TEPSIN: variants seen among roughly 807,000 people sequenced by gnomAD.
TEPSIN encodes TEPSIN adaptor related protein complex 4 accessory protein.
Under a neutral mutation model 48.5 loss-of-function variants are expected in TEPSIN, and 50 were observed. The ratio of observed to expected loss-of-function variants is 1.03; its 90% CI spans 0.82 to 1.31. The LOEUF (loss-of-function observed/expected upper bound fraction) is 1.31. TEPSIN is among the 50% of genes most tolerant of loss of function. The pLI, the probability that TEPSIN is intolerant of heterozygous loss-of-function variation, is 0.00. For missense variants in TEPSIN, 838 were observed against 815.9 expected (o/e 1.03, Z -0.33); for synonymous variants, 392 against 358.8 (o/e 1.09, Z -1.05).
intron 12 of TEPSIN, chr17:81,229,940 A>G (rs2146821518): frequency 5.4e-6 from 1 of 183,902 alleles, no homozygotes; most frequent in Admixed American, 6.0e-5. Context: ...GAGCTAGCAG[A>G]TGGCCAATGA....
In TEPSIN at chr17:81,236,998, G is replaced by T; in HGVS notation, c.195C>A (p.Ser65=). 6.3e-7 allele frequency: 1 copy of T among 1,588,342 alleles called. No individual in the cohort carries two copies. Among genetic ancestry groups the T allele is most frequent in the Non-Finnish European group, 8.6e-7 (1 of 1,167,328 alleles). The part of the protein sequence containing the change: ...EYLLSRLHSS[S]GHGKLKVLKI... ...GGCTCACCTTGAGCTTCCCGTGGCC[G>T]GAGCTGCTGTGCAGGCGGCTCAGGA... The change falls in exon 3 of 13, where the codon TCC becomes TCA. Residue 65 remains serine, a synonymous_variant. Coordinates refer to ENST00000637944, the MANE Select transcript of TEPSIN (RefSeq NM_001363764.2).
chr17:81,237,889 A>G, intron 1 of TEPSIN: 1 of 817,624 alleles, frequency 1.2e-6, no homozygotes, highest in South Asian at 4.5e-5. Context: ...CCGGAATGGC[A>G]GAGTGACAGC....
In TEPSIN at chr17:81,237,490, G is replaced by A. The variant is rs1323423969; in HGVS notation, c.49-31C>T. ...AGGGAACAAGAGCCCCTACCATGAT[G>A]AGGTGCCATTTCCCACAGGGGTGAA... On this transcript the variant is annotated intron_variant, in intron 1 of 12. Transcript: ENST00000637944. 7 of 1,587,416 alleles carry A rather than the reference G, an allele frequency of 4.4e-6. No homozygotes were observed. In the Admixed American group the frequency reaches 1.1e-4, roughly 24 times the overall value.
Position 81,230,346 on chromosome 17 carries a change from G to T in TEPSIN, c.1233+198C>A. ...TGTACTGTGAGTGCTGCAGAGTTTG[G>T]GTGGAAGGCGGGAAGGCAATGGGGA... On this transcript the variant is annotated intron_variant, in intron 12 of 12. Coordinates refer to ENST00000637944, the MANE Select transcript of TEPSIN (RefSeq NM_001363764.2). The surrounding 1 kb of genome is among the most constrained non-coding windows in gnomAD (Gnocchi z 4.2). 1 of 661,584 alleles carries T rather than the reference G, an allele frequency of 1.5e-6. No homozygotes were observed. The highest frequency in any genetic ancestry group is 2.5e-6 in the Non-Finnish European group (1 of 398,582). 41.0% of individuals were successfully genotyped at this position (661,584 alleles called of 1,614,324 possible).
chr17:81,238,807 G>C, intron 1 of TEPSIN, 179 bp downstream of exon 1: 1 of 1,323,042 alleles, frequency 7.6e-7, no homozygotes, highest in African/African-American at 1.5e-5. Flanking sequence ...CGGCTTGGAA[G>C]GCCCCGGGAC....
rs1030575262 is a variant in TEPSIN at position 81,228,488 on chromosome 17, C to A, written c.*440G>T. On this transcript the variant is annotated 3_prime_UTR_variant, in exon 13 of 13. Coordinates refer to ENST00000637944, the MANE Select transcript of TEPSIN (RefSeq NM_001363764.2). ...ACAGCACAAGGCAGCCCGGACAAGACACCCTCAACCCACATGCACCAAACC... is the reference window on the plus strand; with the variant it reads ...ACAGCACAAGGCAGCCCGGACAAGAAACCCTCAACCCACATGCACCAAACC... 1.5e-5 allele frequency: 4 copies of A among 259,968 alleles called. No individual in the cohort carries two copies. Among genetic ancestry groups the A allele is most frequent in the Non-Finnish European group, 3.0e-5 (4 of 134,764 alleles). 16.1% of individuals were successfully genotyped at this position (259,968 alleles called of 1,614,324 possible).
At position 81,232,041 on chromosome 17, in the gene TEPSIN, C is replaced by T. The variant is rs191106052; in HGVS notation, c.731-20G>A. On this transcript the variant is annotated intron_variant, in intron 8 of 12. Transcript: ENST00000637944. Reference sequence around the variant, plus strand: ...TCACAGCTGGAGGAAACAGGACAGCCGGTGAGATCCCTGGGGCTTCAGGCC... The same window carrying T: ...TCACAGCTGGAGGAAACAGGACAGCTGGTGAGATCCCTGGGGCTTCAGGCC... 2.2e-4 allele frequency: 349 copies of T among 1,599,274 alleles called. No individual in the cohort carries two copies. The African/African-American group carries it at 3.7e-3, about 17-fold the overall frequency.
At position 81,233,830 on chromosome 17, in the gene TEPSIN, C is replaced by A; in HGVS notation, c.376-114G>T. On this transcript the variant is annotated intron_variant, in intron 5 of 12. Transcript: ENST00000637944. The surrounding 1 kb of genome is among the most constrained non-coding windows in gnomAD (Gnocchi z 5.8). The stretch of plus-strand genomic sequence containing the variant: ...CGGACACTTCTCCTGAGCCACTCAG[C>A]TGGACACAGGCTCTGTGTCCACCAG... The A allele has an allele frequency of 7.3e-7, 1 of 1,374,694 alleles. No homozygotes were observed. Among genetic ancestry groups the A allele is most frequent in the Non-Finnish European group, 9.8e-7 (1 of 1,019,322 alleles). 85.2% of individuals were successfully genotyped at this position (1,374,694 alleles called of 1,614,324 possible).
Position 81,236,943 on chromosome 17 carries a change from G to A in TEPSIN, c.213+37C>T, listed in dbSNP as rs1188845236. The A allele has an allele frequency of 6.5e-6, 10 of 1,545,358 alleles. No individual in the cohort carries two copies. The Admixed American group carries it at 1.6e-4, about 24-fold the overall frequency. On this transcript the variant is annotated intron_variant, in intron 3 of 12. Transcript: ENST00000637944. ...CCTCCATCCTCACCACCGTGGGCCG[G>A]GCCTCAGGCCTGACCCTTGACCACC... is the stretch of plus-strand genomic sequence containing the variant.
rs746747546 is a variant in TEPSIN at position 81,233,988 on chromosome 17, G to C, written c.368C>G (p.Ala123Gly). Residue 123 changes from alanine (A) to glycine (G), a missense_variant, in exon 5 of 13, where the codon GCC becomes GGC. Coordinates refer to ENST00000637944, the MANE Select transcript of TEPSIN (RefSeq NM_001363764.2). The surrounding 1 kb of genome is among the most constrained non-coding windows in gnomAD (Gnocchi z 5.8). The stretch of plus-strand genomic sequence containing the variant: ...CACTGCTCCTGGGCTCACCTGCGCG[G>C]CCGCGCGAACCTTCTGGTACAAGCT... ...GNSLYQKVRA[A>G]AQDLGSTLFS... The C allele has an allele frequency of 6.3e-7, 1 of 1,599,612 alleles. No homozygotes were observed. Among genetic ancestry groups the C allele is most frequent in the Non-Finnish European group, 8.5e-7 (1 of 1,175,992 alleles).
chr17:81,235,906 A>G (rs75062857), intron 4 of TEPSIN, among the ~76,000 whole-genome samples: 2,557 of 152,316 alleles, frequency 0.017, 78 homozygotes, highest in African/African-American at 0.059. Context: ...AAAGTGGGAC[A>G]ACACTGGTTT....
chr17:81,238,984 A>T lies in TEPSIN; in HGVS notation c.48+2T>A, dbSNP rs2062777260. 1 of 1,476,028 alleles carries T rather than the reference A, an allele frequency of 6.8e-7. No homozygotes were observed. The highest frequency in any genetic ancestry group is 1.5e-5 in the African/African-American group (1 of 67,572). The allele number at this position is 1,476,028 out of a possible 1,614,324, so 91.4% of individuals were successfully genotyped here. ...GGGCCCGGGCGGACCGCCCTCACTC[A>T]CCCGGTGTAGAAAGCTCAGGCGGTC... On this transcript the variant is annotated splice_donor_variant, in intron 1 of 12. Transcript: ENST00000637944. LOFTEE classifies it high-confidence loss of function.
In TEPSIN at chr17:81,237,006, T is replaced by C. The variant is rs575324949; in HGVS notation, c.187A>G (p.Ser63Gly). Reference sequence around the variant, plus strand: ...TTGAGCTTCCCGTGGCCGGAGCTGCTGTGCAGGCGGCTCAGGAGGTACTCC... The same window carrying C: ...TTGAGCTTCCCGTGGCCGGAGCTGCCGTGCAGGCGGCTCAGGAGGTACTCC... ...LLEYLLSRLH[S>G]SSGHGKLKVL... Residue 63 changes from serine (S) to glycine (G), a missense_variant, in exon 3 of 13, where the codon AGC (serine) becomes GGC (glycine). By Grantham distance (56) the Ser-to-Gly change is moderately conservative. Coordinates refer to ENST00000637944, the MANE Select transcript of TEPSIN (RefSeq NM_001363764.2). 7 of 1,593,830 alleles carry C rather than the reference T, an allele frequency of 4.4e-6. No homozygotes were observed. The highest frequency in any genetic ancestry group is 6.0e-6 in the Non-Finnish European group (7 of 1,170,382).
Position 81,229,007 on chromosome 17 carries a change from G to C in TEPSIN, c.1703C>G (p.Pro568Arg). ...TGCTGTCCTCTGGGACGATGTTTGG[G>C]GGGCGCGGGGAGCATCAGGACAGGA... is the stretch of plus-strand genomic sequence containing the variant. ...GESCPDAPRA[P>R]QTSSQRTAAK... Residue 568 changes from proline to arginine, a missense_variant, in exon 13 of 13, where the codon CCC (proline) becomes CGC (arginine). By Grantham distance (103) the Pro-to-Arg change is moderately radical (BLOSUM62 -2). Coordinates refer to ENST00000637944, the MANE Select transcript of TEPSIN (RefSeq NM_001363764.2). 3 of 1,613,634 alleles carry C rather than the reference G, an allele frequency of 1.9e-6. No individual in the cohort carries two copies. The highest frequency in any genetic ancestry group is 2.2e-5 in the South Asian group (2 of 91,082).
chr17:81,238,813 G>A (rs1432545833), intron 1 of TEPSIN, 173 bp downstream of exon 1: 1 of 1,331,398 alleles, frequency 7.5e-7, no homozygotes, highest in African/African-American at 1.5e-5. Flanking sequence ...GGAAGGCCCC[G>A]GGACGGCGCG....
At chr17:81,236,259 C>T (rs1598360452) in intron 4 of TEPSIN, among the ~76,000 whole-genome samples, 1 of 152,370 alleles carries the variant, frequency 6.6e-6, no homozygotes, top group East Asian at 1.9e-4. Context: ...CATGGCCTCA[C>T]TCTGTCTTGG....
At chr17:81,232,548 C>A (rs1418207978) in intron 7 of TEPSIN, 30 bp from the exon 8 acceptor site, 2 of 1,519,070 alleles carry the variant, frequency 1.3e-6, no homozygotes, top group Middle Eastern at 2.3e-4. Context: ...GATGGGACGG[C>A]CGCCCAGTGC....
chr17:81,238,994 G>C lies in TEPSIN; in HGVS notation c.40C>G (p.Leu14Val), dbSNP rs760167410. ...APPLRDRLSF[L>V]HRLPILLKGT... ...GGACCGCCCTCACTCACCCGGTGTAGAAAGCTCAGGCGGTCCCGTAGCGGC... is the reference window on the plus strand; with the variant it reads ...GGACCGCCCTCACTCACCCGGTGTACAAAGCTCAGGCGGTCCCGTAGCGGC... The change falls in exon 1 of 13, where the codon CTA (leucine) becomes GTA (valine). Residue 14 changes from leucine to valine, a missense_variant. Physicochemically the swap from Leu to Val is conservative, Grantham distance 32. Coordinates refer to ENST00000637944, the MANE Select transcript of TEPSIN (RefSeq NM_001363764.2). 6.7e-7 allele frequency: 1 copy of C among 1,486,396 alleles called. No homozygotes were observed. The highest frequency in any genetic ancestry group is 1.5e-5 in the African/African-American group (1 of 68,362). The allele number at this position is 1,486,396 out of a possible 1,614,324, so 92.1% of individuals were successfully genotyped here. A position where few individuals can be genotyped will look rare whatever the true frequency, so the allele number is the denominator to read the frequency against.
Position 81,228,763 on chromosome 17 carries a change from C to T in TEPSIN, c.*165G>A, listed in dbSNP as rs1163266490. On this transcript the variant is annotated 3_prime_UTR_variant, in exon 13 of 13. Transcript: ENST00000637944. The stretch of plus-strand genomic sequence containing the variant: ...TCGTAGGGATTCAAGTCCAAATAGC[C>T]AGAGCCTCTGGCAGAGGAGATGGGG... 1 of 837,828 alleles carries T rather than the reference C, an allele frequency of 1.2e-6. No homozygotes were observed. Among genetic ancestry groups the T allele is most frequent in the East Asian group, 2.7e-5 (1 of 36,578 alleles). 51.9% of individuals were successfully genotyped at this position (837,828 alleles called of 1,614,324 possible).
Sources: gnomAD v4.1 joint callset for allele counts (sites outside exome capture counted in the v4.1 genomes callset) on GRCh38, gnomAD v4.1.1 for gene constraint, Gnocchi (gnomAD v3.1) non-coding constraint, MANE v1.5 for transcripts, NCBI Gene and HGNC (gene_info 2026-07-23, HGNC 2026-07-21) for gene names.